The following ECT2L variants were observed in gnomAD, a reference collection of about 807,000 sequenced individuals.
ECT2L encodes epithelial cell transforming 2 like.
Under a neutral mutation model 122.8 loss-of-function variants are expected in ECT2L, and 126 were observed. The ratio of observed to expected loss-of-function variants is 1.03; its 90% CI spans 0.89 to 1.19. The LOEUF is 1.19. ECT2L is among the 50% of genes most tolerant of loss of function. The probability of loss-of-function intolerance (pLI) is 0.00; values close to 1 mark genes in which losing one functional copy is unlikely to be tolerated. For synonymous variants in ECT2L, 385 were observed against 381.8 expected, an observed-to-expected ratio of 1.01 and a Z score of -0.10; for missense variants, 1,012 against 1,064.1, an observed-to-expected ratio of 0.95 and a Z score of 0.68.
intron 20 of ECT2L, among the ~76,000 whole-genome samples, chr6:138,889,460 C>T (rs1440653407): frequency 6.6e-6 from 1 of 152,092 alleles, no homozygotes; most frequent in African/African-American, 2.4e-5. Flanking sequence ...GCTGAGATTA[C>T]AGGCACCCGT....
chr6:138,850,236 C>T (rs149464413), intron 9 of ECT2L, among the ~76,000 whole-genome samples: 2,487 of 152,154 alleles, frequency 0.016, 66 homozygotes, highest in African/African-American at 0.056. Context: ...TCTCTGCCTC[C>T]GGGGTTCAAG....
At position 138,827,013 on chromosome 6, in the gene ECT2L, C is replaced by T. The variant is rs145207528; in HGVS notation, c.180-11339C>T. Among the ~76,000 whole-genome samples, 1,163 of 152,264 alleles carry T rather than the reference C, an allele frequency of 7.6e-3. 16 individuals are homozygous for T. The highest frequency in any genetic ancestry group is 0.026 in the African/African-American group (1,091 of 41,562). ...TGCCAGCACCATGCTTCCTATAAAG[C>T]CTGCAGAACCATAAGCCAATTAAAC... is the stretch of plus-strand genomic sequence containing the variant. On this transcript the variant is annotated intron_variant, in intron 4 of 21. Transcript: ENST00000541398.
At chr6:138,871,575 G>C (rs1397396180) in intron 13 of ECT2L, among the ~76,000 whole-genome samples, 1 of 152,158 alleles carries the variant, frequency 6.6e-6, no homozygotes, top group African/African-American at 2.4e-5. Flanking sequence ...GGAGGCAGAG[G>C]TGGGTGGATC....
At chr6:138,810,488 G>C (rs979272301) in intron 1 of ECT2L, among the ~76,000 whole-genome samples, 1 of 152,104 alleles carries the variant, frequency 6.6e-6, no homozygotes. Flanking sequence ...TTTAGAGAGA[G>C]AGAAAAAAAT....
At chr6:138,887,967 C>G (rs115838529) in intron 19 of ECT2L, among the ~76,000 whole-genome samples, 1 of 152,198 alleles carries the variant, frequency 6.6e-6, no homozygotes, top group Non-Finnish European at 1.5e-5. Context: ...AAACTGGGAG[C>G]TCCATCATGT....
chr6:138,826,468 A>C (rs1421323619), intron 4 of ECT2L, among the ~76,000 whole-genome samples: 1 of 152,016 alleles, frequency 6.6e-6, no homozygotes, highest in Non-Finnish European at 1.5e-5. Context: ...CGGGAGGTCA[A>C]GAGTTGAGAC....
At chr6:138,834,935 A>ACACACACACACACACACACT (rs5880405) in intron 4 of ECT2L, among the ~76,000 whole-genome samples, 4 of 142,764 alleles carry the variant, frequency 2.8e-5, no homozygotes, top group Admixed American at 2.8e-4. Flanking sequence ...ACACACACAC[A>ACACACACACACACACACACT]CTCTCATTCT....
chr6:138,885,642 G>A, intron 17 of ECT2L, 32 bp from the exon 18 acceptor site: 24 of 1,613,882 alleles, frequency 1.5e-5, no homozygotes, highest in Non-Finnish European at 2.0e-5. Context: ...GGCCTTCAGA[G>A]ACCAGAGCTC....
At chr6:138,891,707 T>A (rs911223485) in intron 20 of ECT2L, among the ~76,000 whole-genome samples, 1 of 152,206 alleles carries the variant, frequency 6.6e-6, no homozygotes, top group African/African-American at 2.4e-5. Flanking sequence ...GTAAAATGTA[T>A]AAAATCAAGC....
intron 4 of ECT2L, among the ~76,000 whole-genome samples, chr6:138,820,945 A>G (rs1297595136): frequency 6.6e-6 from 1 of 152,190 alleles, no homozygotes; most frequent in Non-Finnish European, 1.5e-5. Context: ...AATGAGCCTC[A>G]CCCCTAGAGA....
intron 21 of ECT2L, 21 bp downstream of exon 21, chr6:138,901,141 A>G (rs1779384369): frequency 1.2e-6 from 2 of 1,610,274 alleles, no homozygotes; most frequent in Non-Finnish European, 1.7e-6. Context: ...TTTTCCTTCC[A>G]AGAGACAGAT....
intron 13 of ECT2L, among the ~76,000 whole-genome samples, chr6:138,871,356 T>A (rs1778245133): frequency 6.6e-6 from 1 of 152,212 alleles, no homozygotes; most frequent in South Asian, 2.1e-4. Flanking sequence ...AATCATTTGT[T>A]GCCCTATTAA....
chr6:138,819,662 GA>G (rs986749889), intron 4 of ECT2L, among the ~76,000 whole-genome samples: 23 of 151,990 alleles, frequency 1.5e-4, no homozygotes, highest in Admixed American at 4.6e-4. Context: ...AAGATAATCA[GA>G]AAAAAATTTT....
intron 4 of ECT2L, among the ~76,000 whole-genome samples, chr6:138,827,790 C>T (rs1313349037): frequency 6.6e-6 from 1 of 152,168 alleles, no homozygotes; most frequent in East Asian, 1.9e-4. Context: ...AACTCCTGAC[C>T]TCAGTGATCC....
chr6:138,836,312 T>TG (rs1776837025), intron 4 of ECT2L, among the ~76,000 whole-genome samples: 1 of 145,240 alleles, frequency 6.9e-6, no homozygotes, highest in African/African-American at 2.6e-5. Context: ...TTTTTTGAGA[T>TG]GGAGTTTTGC....
chr6:138,884,322 G>A (rs1048403040), intron 16 of ECT2L, among the ~76,000 whole-genome samples: 1 of 151,898 alleles, frequency 6.6e-6, no homozygotes, highest in Non-Finnish European at 1.5e-5. Flanking sequence ...TGCTCTAATA[G>A]TGATAAATGA....
intron 12 of ECT2L, among the ~76,000 whole-genome samples, chr6:138,865,614 C>T (rs12200274): frequency 0.26 from 40,160 of 152,032 alleles, 6,570 homozygotes; most frequent in Admixed American, 0.38. Context: ...GCTCCATGGG[C>T]CTTTGCTGAG....
At chr6:138,852,495 G>A (rs1199583901) in intron 9 of ECT2L, among the ~76,000 whole-genome samples, 1 of 152,084 alleles carries the variant, frequency 6.6e-6, no homozygotes, top group Non-Finnish European at 1.5e-5. Context: ...TGAGGGGAGA[G>A]AAGGAATAAG....
At chr6:138,893,414 T>C (rs1779105289) in intron 20 of ECT2L, among the ~76,000 whole-genome samples, 1 of 141,920 alleles carries the variant, frequency 7.0e-6, no homozygotes. Flanking sequence ...TATATATATA[T>C]TTTTTTATTT....
Sources: gnomAD v4.1 joint callset for allele counts (sites outside exome capture counted in the v4.1 genomes callset) on GRCh38, gnomAD v4.1.1 for gene constraint, MANE v1.5 for transcripts, NCBI Gene and HGNC (gene_info 2026-07-23, HGNC 2026-07-21) for gene names.